The following WLS variants were observed in gnomAD, a reference collection of about 807,000 sequenced individuals.
The protein encoded by WLS is Wnt ligand secretion mediator.
A neutral mutation model predicts 62.8 loss-of-function variants in WLS; 23 were observed. The ratio of observed to expected loss-of-function variants is 0.37; its 90% confidence interval spans 0.26 to 0.52. The LOEUF (loss-of-function observed/expected upper bound fraction) is 0.52. Among genes scored for constraint, WLS ranks in the 20% least tolerant of loss-of-function variants. The probability of loss-of-function intolerance (pLI) is 0.92; values close to 1 mark genes in which losing one functional copy is unlikely to be tolerated. For missense variants in WLS, 615 were observed against 697.3 expected, an observed-to-expected ratio of 0.88 and a Z score of 1.33; for synonymous variants, 246 against 244.1, an observed-to-expected ratio of 1.01 and a Z score of -0.07.
At chr1:68,148,489 C>T (rs539858795) in intron 7 of WLS, 74 bp downstream of exon 7, 12 of 1,484,202 alleles carry the variant, frequency 8.1e-6, no homozygotes, top group South Asian at 1.2e-5. Context: ...CCTTTTCAAA[C>T]ACTCCTCCTA....
intron 10 of WLS, 21 bp downstream of exon 10, chr1:68,144,548 G>C: frequency 1.2e-6 from 2 of 1,608,582 alleles, no homozygotes; most frequent in Non-Finnish European, 1.7e-6. Flanking sequence ...TTCTCACCTT[G>C]ACATCTCAGG....
intron 5 of WLS, among the ~76,000 whole-genome samples, chr1:68,151,825 G>T (rs1456661606): frequency 6.6e-6 from 1 of 152,182 alleles, no homozygotes; most frequent in Non-Finnish European, 1.5e-5. Context: ...TGAAAAGCCA[G>T]TGGAGAGCTT....
At chr1:68,158,234 C>T (rs1646924463) in intron 3 of WLS, among the ~76,000 whole-genome samples, 1 of 152,176 alleles carries the variant, frequency 6.6e-6, no homozygotes, top group African/African-American at 2.4e-5. Context: ...TTTCCTAAAA[C>T]CTCTCAGGTG....
At chr1:68,134,171 A>C (rs2100411876) in intron 11 of WLS, among the ~76,000 whole-genome samples, 1 of 152,346 alleles carries the variant, frequency 6.6e-6, no homozygotes, top group Non-Finnish European at 1.5e-5. Flanking sequence ...GTTTCCACAT[A>C]ATATTCCAAA....
At chr1:68,133,063 A>ACAGCAGCAG (rs1011324271) in intron 11 of WLS, among the ~76,000 whole-genome samples, 1 of 53,080 alleles carries the variant, frequency 1.9e-5, no homozygotes, top group African/African-American at 6.1e-5. Context: ...AGCAACAGCA[A>ACAGCAGCAG]CAGCAGCAGC....
downstream of WLS, chr1:68,125,300 T>G: frequency 1.0e-6 from 1 of 982,724 alleles, no homozygotes; most frequent in African/African-American, 1.7e-5. Context: ...AGAAACCTAT[T>G]TCCCCCATCA....
chr1:68,131,919 CCAGA>C (rs1021157956), intron 11 of WLS, among the ~76,000 whole-genome samples: 15 of 152,146 alleles, frequency 9.9e-5, no homozygotes, highest in African/African-American at 3.6e-4. Context: ...CATCTACAAG[CCAGA>C]CAGAGAGGTC....
At chr1:68,166,058 G>A (rs1479418174) in intron 2 of WLS, among the ~76,000 whole-genome samples, 1 of 152,096 alleles carries the variant, frequency 6.6e-6, no homozygotes, top group Non-Finnish European at 1.5e-5. Flanking sequence ...TTTAAAATAT[G>A]CGGTTTAAAA....
chr1:68,112,175 T>C (rs1646236443), intron 11 of WLS, among the ~76,000 whole-genome samples: 1 of 152,222 alleles, frequency 6.6e-6, no homozygotes, highest in South Asian at 2.1e-4. Context: ...AGGCAGCCCA[T>C]GCTAGGGTGC....
At chr1:68,157,405 A>C (rs1161059588) in intron 3 of WLS, among the ~76,000 whole-genome samples, 1 of 152,210 alleles carries the variant, frequency 6.6e-6, no homozygotes, top group East Asian at 1.9e-4. Context: ...CTCAGAGACA[A>C]GTTCGTTGTA....
chr1:68,179,174 AG>A (rs1288779491), intron 2 of WLS, among the ~76,000 whole-genome samples: 2 of 152,218 alleles, frequency 1.3e-5, no homozygotes, highest in Non-Finnish European at 2.9e-5. Flanking sequence ...ACTATCTTCT[AG>A]AATGGTTTTC....
At chr1:68,227,344 G>A (rs1414758648) in intron 1 of WLS, among the ~76,000 whole-genome samples, 1 of 151,098 alleles carries the variant, frequency 6.6e-6, no homozygotes, top group African/African-American at 2.4e-5. Context: ...TTGAACCCGG[G>A]AGGCGGAGGT....
At chr1:68,189,366 T>C (rs771315094) in intron 2 of WLS, among the ~76,000 whole-genome samples, 3 of 152,250 alleles carry the variant, frequency 2.0e-5, no homozygotes, top group Non-Finnish European at 2.9e-5. Flanking sequence ...AGATCTACAA[T>C]AAGAATGAAT....
At chr1:68,190,958 T>A (rs1648261964) in intron 2 of WLS, among the ~76,000 whole-genome samples, 1 of 151,396 alleles carries the variant, frequency 6.6e-6, no homozygotes, top group Non-Finnish European at 1.5e-5. Context: ...CTCGGGAGGC[T>A]GAGGCAGGAG....
intron 2 of WLS, among the ~76,000 whole-genome samples, chr1:68,180,864 G>C (rs1387117956): frequency 6.6e-6 from 1 of 152,146 alleles, no homozygotes; most frequent in African/African-American, 2.4e-5. Flanking sequence ...AAACAACCTG[G>C]ACCAGAACAA....
At chr1:68,139,331 CTTCT>C (rs1477004413) in intron 10 of WLS, among the ~76,000 whole-genome samples, 2 of 152,148 alleles carry the variant, frequency 1.3e-5, no homozygotes, top group South Asian at 2.1e-4. Flanking sequence ...AAATGTCGCT[CTTCT>C]TTAAGTGCAG....
chr1:68,145,398 C>T (rs1216561474), intron 9 of WLS, among the ~76,000 whole-genome samples: 1 of 152,100 alleles, frequency 6.6e-6, no homozygotes, highest in Non-Finnish European at 1.5e-5. Context: ...ACAGAGATTA[C>T]TGAACTCTGT....
intron 2 of WLS, among the ~76,000 whole-genome samples, chr1:68,171,816 T>C (rs1249477323): frequency 6.6e-6 from 1 of 152,226 alleles, no homozygotes; most frequent in Admixed American, 6.5e-5. Flanking sequence ...TTACTGGGTA[T>C]ATACCCAAAG....
chr1:68,114,576 C>T (rs770038082), intron 11 of WLS, among the ~76,000 whole-genome samples: 1 of 152,190 alleles, frequency 6.6e-6, no homozygotes, highest in Non-Finnish European at 1.5e-5. Context: ...AGAGCTGGCT[C>T]CTCGTTTTAA....
Sources: allele counts gnomAD v4.1 joint callset (sites outside exome capture counted in the v4.1 genomes callset), GRCh38; gene constraint gnomAD v4.1.1; transcripts MANE v1.5; gene names NCBI Gene and HGNC (gene_info 2026-07-23, HGNC 2026-07-21).